The following RABGAP1 variants were observed in gnomAD, a reference collection of about 807,000 sequenced individuals.
The protein encoded by RABGAP1 is RAB GTPase activating protein 1.
RABGAP1 carries 23 observed loss-of-function variants against 137.6 expected under a neutral mutation model. The ratio of observed to expected loss-of-function variants is 0.17; its 90% CI spans 0.12 to 0.24. The LOEUF is 0.24. Among genes scored for constraint, RABGAP1 ranks in the 10% least tolerant of loss-of-function variants. RABGAP1 has a pLI of 1.00. For missense variants in RABGAP1, 906 were observed against 1,275.8 expected (o/e 0.71, Z 4.42); for synonymous variants, 451 against 450.7 (o/e 1.00, Z -0.01).
At chr9:122,999,970 AAC>A (rs1837237008) in intron 10 of RABGAP1, among the ~76,000 whole-genome samples, 2 of 151,932 alleles carry the variant, frequency 1.3e-5, no homozygotes, top group African/African-American at 2.4e-5. Flanking sequence ...GAATTTTAAA[AAC>A]ATTTTCTATA....
chr9:122,993,116 C>T (rs1257079482), intron 6 of RABGAP1, among the ~76,000 whole-genome samples: 2 of 152,012 alleles, frequency 1.3e-5, no homozygotes, highest in African/African-American at 4.8e-5. Flanking sequence ...AGTACTAAAA[C>T]ATGTTGGTTT....
At chr9:123,037,450 C>A (rs1347168647) in intron 13 of RABGAP1, among the ~76,000 whole-genome samples, 2 of 152,028 alleles carry the variant, frequency 1.3e-5, no homozygotes, top group Non-Finnish European at 2.9e-5. Flanking sequence ...ACTGAAATTG[C>A]AAGTTATGTT....
At position 122,996,623 on chromosome 9, in the gene RABGAP1, T is replaced by A. The variant is rs775760148; in HGVS notation, c.1101+18T>A. The A allele has an allele frequency of 1.9e-6, 3 of 1,562,636 alleles. No individual in the cohort carries two copies. The Admixed American group carries it at 5.2e-5, about 27-fold the overall frequency. On this transcript the variant is annotated intron_variant, in intron 8 of 25. Coordinates refer to ENST00000373647, the MANE Select transcript of RABGAP1 (RefSeq NM_012197.4). ...TAGATTTGGTAAGAATTTATTTTTA[T>A]TAGAAAGTTACATACTATTTCCTCA...
intron 21 of RABGAP1, among the ~76,000 whole-genome samples, chr9:123,096,082 T>C (rs1008029763): frequency 2.6e-5 from 4 of 152,240 alleles, no homozygotes; most frequent in Non-Finnish European, 4.4e-5. Context: ...TGGTTGATAG[T>C]GCTCAAGTCT....
chr9:123,037,053 T>G (rs1444315728), intron 13 of RABGAP1, among the ~76,000 whole-genome samples: 2 of 152,186 alleles, frequency 1.3e-5, no homozygotes, highest in African/African-American at 4.8e-5. Context: ...CTGGAAGTCT[T>G]CAAGGGACTT....
At chr9:123,036,868 T>A (rs750519756) in intron 13 of RABGAP1, among the ~76,000 whole-genome samples, 37 of 152,192 alleles carry the variant, frequency 2.4e-4, no homozygotes, top group Non-Finnish European at 4.3e-4. Flanking sequence ...ATTTTATAAT[T>A]CTTCTATAGA....
intron 3 of RABGAP1, among the ~76,000 whole-genome samples, chr9:122,985,092 A>G (rs1191941007): frequency 2.0e-5 from 3 of 152,088 alleles, no homozygotes; most frequent in Non-Finnish European, 4.4e-5. Flanking sequence ...TTTGCTCCAG[A>G]CCTATATAGC....
intron 13 of RABGAP1, among the ~76,000 whole-genome samples, chr9:123,051,967 T>C: frequency 6.7e-6 from 1 of 148,334 alleles, no homozygotes; most frequent in Middle Eastern, 3.5e-3. Context: ...AATTTTTTTT[T>C]TTTTTTTTTT....
At chr9:123,034,891 G>C (rs1247937187) in intron 13 of RABGAP1, 6 of 1,613,646 alleles carry the variant, frequency 3.7e-6, no homozygotes, top group Non-Finnish European at 5.1e-6. Context: ...TGGTTTTGTA[G>C]TATCAGTTCT....
intron 13 of RABGAP1, among the ~76,000 whole-genome samples, chr9:123,043,639 T>G (rs1420927197): frequency 3.0e-5 from 4 of 134,056 alleles, no homozygotes; most frequent in African/African-American, 9.4e-5. Flanking sequence ...GTTTGGGGGG[T>G]GAGGGGAAGG....
Position 123,090,349 on chromosome 9 carries a change from G to A in RABGAP1, c.2592G>A (p.Val864=). 6.2e-7 allele frequency: 1 copy of A among 1,613,278 alleles called. No individual in the cohort carries two copies. Among genetic ancestry groups the A allele is most frequent in the East Asian group, 2.2e-5 (1 of 44,868 alleles). ...ACGATGACTTAGCCCATGAGCTGGT[G>A]ACCAGCAAGATTGCACTACGGAAGG... ...QENDDLAHEL[V]TSKIALRKDL... Residue 864 remains valine (V), a synonymous_variant, in exon 21 of 26, where the codon GTG becomes GTA. Coordinates refer to ENST00000373647, the MANE Select transcript of RABGAP1 (RefSeq NM_012197.4).
At chr9:123,041,366 T>G (rs2032943298) in intron 13 of RABGAP1, among the ~76,000 whole-genome samples, 1 of 152,208 alleles carries the variant, frequency 6.6e-6, no homozygotes, top group African/African-American at 2.4e-5. Flanking sequence ...TATCAGGTAG[T>G]TATTTTGAAT....
At chr9:123,027,784 G>A (rs1247251644) in intron 13 of RABGAP1, among the ~76,000 whole-genome samples, 1 of 152,154 alleles carries the variant, frequency 6.6e-6, no homozygotes, top group Non-Finnish European at 1.5e-5. Context: ...CAGTGTGTTT[G>A]AGTCCTGCCC....
intron 13 of RABGAP1, among the ~76,000 whole-genome samples, chr9:123,047,012 A>T (rs77215665): frequency 1.1e-3 from 162 of 152,344 alleles, no homozygotes; most frequent in African/African-American, 3.8e-3. Flanking sequence ...CCTCCTTTAG[A>T]CTCAGTCATT....
intron 15 of RABGAP1, chr9:123,071,610 A>G (rs1162434393): frequency 6.6e-6 from 1 of 152,258 alleles, no homozygotes; most frequent in African/African-American, 2.4e-5. Context: ...CAGTGGTGCT[A>G]TTAAGGTATA....
chr9:123,052,572 A>T (rs965120319), intron 13 of RABGAP1, among the ~76,000 whole-genome samples: 4 of 152,216 alleles, frequency 2.6e-5, no homozygotes, highest in African/African-American at 9.7e-5. Flanking sequence ...GTCTTCATGA[A>T]GCTTAACATT....
chr9:122,964,982 G>A (rs903136458), intron 2 of RABGAP1, among the ~76,000 whole-genome samples: 7 of 152,106 alleles, frequency 4.6e-5, no homozygotes, highest in Admixed American at 4.6e-4. Context: ...GGGCAACAGA[G>A]GGAGACCCTG....
intron 10 of RABGAP1, among the ~76,000 whole-genome samples, chr9:122,999,651 C>A (rs973235211): frequency 6.6e-6 from 1 of 151,684 alleles, no homozygotes; most frequent in Admixed American, 6.6e-5. Context: ...TTCCGTTTAT[C>A]CTGCTTGGGA....
At position 122,997,320 on chromosome 9, in the gene RABGAP1, AATCCCC is replaced by A; in HGVS notation, c.1165_1170del (p.Ser389_Pro390del). The stretch of plus-strand genomic sequence containing the variant: ...GTTATTACGGGGAGCTGGAATCCAA[AATCCCC>A]ACATTTTCAAGTTGTAAATGAAGAA... On this transcript the variant is annotated inframe_deletion, in exon 9 of 26. Transcript: ENST00000373647. The A allele has an allele frequency of 6.2e-7, 1 of 1,611,938 alleles. No individual in the cohort carries two copies. Among genetic ancestry groups the A allele is most frequent in the Non-Finnish European group, 8.5e-7 (1 of 1,178,980 alleles).
Sources: gnomAD v4.1 joint callset for allele counts (sites outside exome capture counted in the v4.1 genomes callset) on GRCh38, gnomAD v4.1.1 for gene constraint, MANE v1.5 for transcripts, NCBI Gene and HGNC (gene_info 2026-07-23, HGNC 2026-07-21) for gene names.